Variants in EYA2 observed in about 807,000 individuals in gnomAD.
EYA2 encodes EYA transcriptional coactivator and phosphatase 2.
In EYA2, 31 loss-of-function variants were observed where a neutral mutation model predicts 69.2. That is an observed-to-expected ratio of 0.45 (90% CI 0.34 to 0.60). The LOEUF is 0.60. Ranked by LOEUF, EYA2 falls within the 20% of genes least tolerant of loss-of-function variation. EYA2 has a pLI of 0.02. For missense variants in EYA2, 622 were observed against 701.2 expected, an observed-to-expected ratio of 0.89 and a Z score of 1.28; for synonymous variants, 257 against 279.4, an observed-to-expected ratio of 0.92 and a Z score of 0.80.
chr20:47,099,696 A>T (rs1000895611), intron 9 of EYA2, among the ~76,000 whole-genome samples: 2 of 152,188 alleles, frequency 1.3e-5, no homozygotes, highest in African/African-American at 4.8e-5. Context: ...ATTAAGTTAA[A>T]TCCTACTTAT....
chr20:47,187,075 G>T (rs1199164138), intron 15 of EYA2, among the ~76,000 whole-genome samples: 1 of 151,332 alleles, frequency 6.6e-6, no homozygotes, highest in Admixed American at 6.6e-5. Flanking sequence ...AAAAATTAAT[G>T]AAACGAAATT....
At chr20:46,973,104 A>T (rs1486002798) in intron 1 of EYA2, among the ~76,000 whole-genome samples, 2 of 152,082 alleles carry the variant, frequency 1.3e-5, no homozygotes, top group Non-Finnish European at 2.9e-5. Context: ...CACACCTGGG[A>T]CTCCTGATGA....
chr20:46,895,116 T>C (rs1455017029), intron 1 of EYA2, 129 bp downstream of exon 1: 2 of 152,260 alleles, frequency 1.3e-5, no homozygotes, highest in African/African-American at 4.8e-5. Context: ...TCCGCAGCTG[T>C]CGGGACGTTC....
At chr20:46,901,330 A>G (rs904874909) in intron 1 of EYA2, 5 of 152,176 alleles carry the variant, frequency 3.3e-5, no homozygotes, top group South Asian at 2.1e-4. Context: ...TTCCCTTCCT[A>G]TAGTCACTTT....
chr20:47,102,354 G>A (rs976679458), intron 9 of EYA2, among the ~76,000 whole-genome samples: 8 of 152,226 alleles, frequency 5.3e-5, no homozygotes, highest in Non-Finnish European at 1.2e-4. Context: ...AATAGAGTGA[G>A]AGAGGGAGGA....
chr20:47,165,453 C>T (rs1287467440), intron 10 of EYA2, among the ~76,000 whole-genome samples: 2 of 152,276 alleles, frequency 1.3e-5, no homozygotes, highest in Non-Finnish European at 2.9e-5. Flanking sequence ...CTTTAGCATC[C>T]ACTGTGTTCT....
At chr20:47,147,510 A>G (rs916371744) in intron 10 of EYA2, among the ~76,000 whole-genome samples, 1 of 152,194 alleles carries the variant, frequency 6.6e-6, no homozygotes, top group African/African-American at 2.4e-5. Context: ...AGCAAGACTG[A>G]AGCAGAGGGA....
At chr20:47,130,991 A>G (rs1340244551) in intron 9 of EYA2, among the ~76,000 whole-genome samples, 1 of 152,036 alleles carries the variant, frequency 6.6e-6, no homozygotes, top group Admixed American at 6.6e-5. Context: ...CAGGGGGCTG[A>G]GGCAGGAGAA....
chr20:47,000,832 C>T (rs933382166), intron 2 of EYA2, among the ~76,000 whole-genome samples: 1 of 152,128 alleles, frequency 6.6e-6, no homozygotes, highest in African/African-American at 2.4e-5. Context: ...GAAGTGGTTC[C>T]TTCCCCTAAA....
chr20:47,185,054 G>C (rs2034609861), intron 15 of EYA2, among the ~76,000 whole-genome samples: 1 of 152,132 alleles, frequency 6.6e-6, no homozygotes, highest in Non-Finnish European at 1.5e-5. Context: ...CAGGCCACCG[G>C]AAATCTGAGC....
At chr20:46,954,195 G>T (rs1340211527) in intron 1 of EYA2, among the ~76,000 whole-genome samples, 7 of 152,022 alleles carry the variant, frequency 4.6e-5, no homozygotes, top group African/African-American at 1.7e-4. Flanking sequence ...TGATCACCCT[G>T]TCATGAATAT....
chr20:46,960,783 C>T lies in EYA2; in HGVS notation c.-10-29218C>T, dbSNP rs114416560. 4.1e-3 allele frequency among the ~76,000 whole-genome samples: 628 copies of T among 152,332 alleles called. 5 individuals carry two copies. Among genetic ancestry groups the T allele is most frequent in the African/African-American group, 0.014 (587 of 41,576 alleles). On this transcript the variant is annotated intron_variant, in intron 1 of 15. Coordinates refer to ENST00000327619, the MANE Select transcript of EYA2 (RefSeq NM_005244.5). ...AAAGCCTGAAATCTTCACCGTCTGG[C>T]CGTTTACAGTAAATCTTTTCAACCC...
chr20:46,949,336 GTTTAACAC>G (rs1010850552), intron 1 of EYA2, among the ~76,000 whole-genome samples: 3 of 152,188 alleles, frequency 2.0e-5, no homozygotes, highest in Non-Finnish European at 4.4e-5. Context: ...AGTGGGGAGG[GTTTAACAC>G]TTTAACAGCT....
In EYA2 at chr20:47,120,228, TAGCC is replaced by T. The variant is rs368319750; in HGVS notation, c.889-22828_889-22825del. Among the ~76,000 whole-genome samples the T allele has an allele frequency of 5.8e-3, 884 of 151,520 alleles. 11 individuals are homozygous for T. Among genetic ancestry groups the T allele is most frequent in the African/African-American group, 0.02 (806 of 41,266 alleles). Reference sequence around the variant, plus strand: ...GCCTCAAAAAAAAAATTAAATAAAATAGCCAGGCATGGTGGCGTGTGCCTGTGGT... The same window carrying T: ...GCCTCAAAAAAAAAATTAAATAAAATAGGCATGGTGGCGTGTGCCTGTGGT... On this transcript the variant is annotated intron_variant, in intron 9 of 15. Coordinates refer to ENST00000327619, the MANE Select transcript of EYA2 (RefSeq NM_005244.5).
At chr20:47,171,378 CTTGT>C (rs1217541351) in intron 11 of EYA2, among the ~76,000 whole-genome samples, 4 of 152,064 alleles carry the variant, frequency 2.6e-5, no homozygotes, top group Non-Finnish European at 5.9e-5. Flanking sequence ...TGAAATGCCT[CTTGT>C]TTGTTTTTTT....
intron 1 of EYA2, among the ~76,000 whole-genome samples, chr20:46,952,032 A>G (rs1978834276): frequency 6.6e-6 from 1 of 152,202 alleles, no homozygotes; most frequent in Admixed American, 6.5e-5. Context: ...CTTTCTGTGA[A>G]TCATAGTTTC....
chr20:46,973,769 A>G (rs1242903134), intron 1 of EYA2, among the ~76,000 whole-genome samples: 5 of 151,680 alleles, frequency 3.3e-5, no homozygotes, highest in Non-Finnish European at 7.4e-5. Flanking sequence ...TAGCCCCACT[A>G]TGAAGCCGTC....
intron 1 of EYA2, among the ~76,000 whole-genome samples, chr20:46,908,464 A>G (rs541987694): frequency 2.1e-4 from 32 of 152,358 alleles, no homozygotes; most frequent in African/African-American, 7.2e-4. Context: ...CAGTTCTGGT[A>G]GGGCCTTGCT....
chr20:47,169,012 C>G (rs557825138), intron 10 of EYA2, 127 bp from the exon 11 acceptor site: 40 of 789,026 alleles, frequency 5.1e-5, no homozygotes, highest in African/African-American at 4.6e-4. Flanking sequence ...GACTAGAACC[C>G]GAGCCTGATG....
Sources: allele counts gnomAD v4.1 joint callset (sites outside exome capture counted in the v4.1 genomes callset), GRCh38; gene constraint gnomAD v4.1.1; transcripts MANE v1.5; gene names NCBI Gene and HGNC (gene_info 2026-07-23, HGNC 2026-07-21).